VAV3: variants seen among roughly 807,000 people sequenced by gnomAD.
The protein encoded by VAV3 is vav guanine nucleotide exchange factor 3.
In VAV3, 94 loss-of-function variants were observed where a neutral mutation model predicts 131.2. That is an observed-to-expected ratio of 0.72 (90% CI 0.61 to 0.85). VAV3 has a LOEUF of 0.85. VAV3 is among the 40% of genes least tolerant of loss of function. The pLI, the probability that VAV3 is intolerant of heterozygous loss-of-function variation, is 0.00. For synonymous variants in VAV3, 349 were observed against 342.0 expected, an observed-to-expected ratio of 1.02 and a Z score of -0.22; for missense variants, 939 against 1,002.7, an observed-to-expected ratio of 0.94 and a Z score of 0.86.
At chr1:107,956,685 C>T (rs927734947) in intron 1 of VAV3, among the ~76,000 whole-genome samples, 1 of 152,120 alleles carries the variant, frequency 6.6e-6, no homozygotes, top group Non-Finnish European at 1.5e-5. Flanking sequence ...CCAGACCATA[C>T]TTTGAGAACA....
At chr1:107,852,027 A>G (rs1039481257) in intron 2 of VAV3, among the ~76,000 whole-genome samples, 11 of 152,108 alleles carry the variant, frequency 7.2e-5, no homozygotes, top group African/African-American at 2.7e-4. Context: ...TGATTCCTGG[A>G]AAGGCTATGT....
At chr1:107,606,997 C>G (rs145500872) in intron 22 of VAV3, among the ~76,000 whole-genome samples, 1 of 150,572 alleles carries the variant, frequency 6.6e-6, no homozygotes, top group Non-Finnish European at 1.5e-5. Flanking sequence ...CACTGTCACC[C>G]GGGCTGGTGT....
chr1:107,739,145 T>G (rs1389240432), intron 15 of VAV3, among the ~76,000 whole-genome samples: 1 of 152,180 alleles, frequency 6.6e-6, no homozygotes, highest in Non-Finnish European at 1.5e-5. Context: ...TCCTTCCTCA[T>G]AAGCATGTTC....
At chr1:107,810,061 T>C (rs1414755956) in intron 2 of VAV3, among the ~76,000 whole-genome samples, 1 of 152,198 alleles carries the variant, frequency 6.6e-6, no homozygotes, top group Non-Finnish European at 1.5e-5. Context: ...AATTTCTTCC[T>C]TTTTTAACAA....
At chr1:107,588,365 A>G (rs1005789307) in intron 25 of VAV3, among the ~76,000 whole-genome samples, 1 of 152,244 alleles carries the variant, frequency 6.6e-6, no homozygotes, top group African/African-American at 2.4e-5. Flanking sequence ...AAATAGAAGT[A>G]GGAAACCAAA....
chr1:107,761,012 A>C (rs1482961683), intron 9 of VAV3, 133 bp from the exon 10 acceptor site: 2 of 523,140 alleles, frequency 3.8e-6, no homozygotes. Context: ...TGTAAATAAC[A>C]GAAAGTATCT....
intron 4 of VAV3, among the ~76,000 whole-genome samples, chr1:107,773,076 A>C (rs1315852343): frequency 6.6e-6 from 1 of 152,246 alleles, no homozygotes; most frequent in Non-Finnish European, 1.5e-5. Flanking sequence ...GTTACTATGT[A>C]TAAGCACAAA....
intron 2 of VAV3, among the ~76,000 whole-genome samples, chr1:107,780,778 A>C (rs1665644086): frequency 6.6e-6 from 1 of 152,178 alleles, no homozygotes; most frequent in African/African-American, 2.4e-5. Context: ...GGCCTCCCAA[A>C]GTGCTGGGAT....
intron 2 of VAV3, among the ~76,000 whole-genome samples, chr1:107,856,908 G>T (rs1471545242): frequency 6.6e-6 from 1 of 152,098 alleles, no homozygotes. Context: ...GTGGTGTTGT[G>T]TGTGCCTATA....
intron 1 of VAV3, among the ~76,000 whole-genome samples, chr1:107,883,218 G>A (rs190661301): frequency 5.9e-5 from 9 of 152,130 alleles, no homozygotes; most frequent in Admixed American, 5.2e-4. Flanking sequence ...ATAAATGCAG[G>A]GCTAAATTGT....
chr1:107,647,449 C>G (rs1418058598), intron 19 of VAV3, among the ~76,000 whole-genome samples: 1 of 151,806 alleles, frequency 6.6e-6, no homozygotes, highest in Non-Finnish European at 1.5e-5. Flanking sequence ...CAGAAGAAAG[C>G]AAGGGAAAGT....
intron 1 of VAV3, among the ~76,000 whole-genome samples, chr1:107,910,411 T>C (rs1180948286): frequency 6.6e-6 from 1 of 152,230 alleles, no homozygotes; most frequent in Non-Finnish European, 1.5e-5. Flanking sequence ...CTTCAGAATT[T>C]AGTAAGTCTA....
intron 2 of VAV3, among the ~76,000 whole-genome samples, chr1:107,872,597 C>T (rs1670302100): frequency 6.6e-6 from 1 of 152,108 alleles, no homozygotes; most frequent in African/African-American, 2.4e-5. Context: ...ATTTCAGTTC[C>T]ATTACCCACA....
intron 15 of VAV3, 71 bp downstream of exon 15, chr1:107,748,897 T>C (rs536601230): frequency 1.8e-6 from 2 of 1,135,386 alleles, no homozygotes; most frequent in African/African-American, 1.6e-5. Flanking sequence ...AGTACACTTA[T>C]TGGTTGTTCA....
chr1:107,752,189 C>T (rs116675183), intron 12 of VAV3, among the ~76,000 whole-genome samples: 1,640 of 152,276 alleles, frequency 0.011, 22 homozygotes, highest in Middle Eastern at 0.027. Flanking sequence ...TAAGTCCTCA[C>T]ATATATGGTC....
intron 25 of VAV3, among the ~76,000 whole-genome samples, chr1:107,577,940 A>G (rs1463769157): frequency 6.6e-6 from 1 of 152,232 alleles, no homozygotes; most frequent in African/African-American, 2.4e-5. Context: ...AAGTGAGCTA[A>G]GACAACTGGG....
At chr1:107,783,487 G>A (rs1665811653) in intron 2 of VAV3, among the ~76,000 whole-genome samples, 1 of 152,110 alleles carries the variant, frequency 6.6e-6, no homozygotes, top group East Asian at 1.9e-4. Flanking sequence ...GGATGACCTG[G>A]GCTAGCTGTT....
At chr1:107,610,322 T>A (rs1414536805) in intron 21 of VAV3, among the ~76,000 whole-genome samples, 1 of 152,114 alleles carries the variant, frequency 6.6e-6, no homozygotes, top group Non-Finnish European at 1.5e-5. Flanking sequence ...CACTTTACTT[T>A]TCCAAGACCT....
intron 1 of VAV3, among the ~76,000 whole-genome samples, chr1:107,930,189 T>C (rs770085643): frequency 1.3e-5 from 2 of 152,166 alleles, no homozygotes; most frequent in Non-Finnish European, 2.9e-5. Flanking sequence ...AACTGGATTG[T>C]TTGTAACACA....
Sources: allele counts gnomAD v4.1 joint callset (sites outside exome capture counted in the v4.1 genomes callset), GRCh38; gene constraint gnomAD v4.1.1; transcripts MANE v1.5; gene names NCBI Gene and HGNC (gene_info 2026-07-23, HGNC 2026-07-21).